Variants in CCT4 observed in about 807,000 individuals in gnomAD.
CCT4 encodes chaperonin containing TCP1 subunit 4.
In CCT4, 17 loss-of-function variants were observed where a neutral mutation model predicts 62.5. The observed-to-expected ratio is 0.27, with a 90% confidence interval of 0.19 to 0.41. CCT4 has a LOEUF of 0.41. Among genes scored for constraint, CCT4 ranks in the 10% least tolerant of loss-of-function variants. The pLI is 1.00. For synonymous variants in CCT4, 250 were observed against 229.9 expected (o/e 1.09, Z -0.79); for missense variants, 592 against 659.2 (o/e 0.90, Z 1.12).
At chr2:61,869,335 CA>C in intron 13 of CCT4, 104 bp downstream of exon 13, 10 of 669,702 alleles carry the variant, frequency 1.5e-5, no homozygotes, top group East Asian at 5.6e-5. Flanking sequence ...AACTTTGTCT[CA>C]AAAAAACCAA....
chr2:61,870,398 T>C (rs1284902687), intron 12 of CCT4, among the ~76,000 whole-genome samples: 1 of 152,240 alleles, frequency 6.6e-6, no homozygotes, highest in Non-Finnish European at 1.5e-5. Flanking sequence ...AAATTCTTCA[T>C]TGCACCATCC....
At chr2:61,885,985 T>C (rs1347546077) in intron 1 of CCT4, 1 of 152,242 alleles carries the variant, frequency 6.6e-6, no homozygotes, top group African/African-American at 2.4e-5. Flanking sequence ...ATTTGTTTAC[T>C]CTGTCTAGTA....
intron 4 of CCT4, 63 bp from the exon 5 acceptor site, chr2:61,879,074 TAA>T: frequency 7.7e-7 from 1 of 1,298,532 alleles, no homozygotes; most frequent in African/African-American, 1.5e-5. Flanking sequence ...TGACATGGCT[TAA>T]AAATTTTCTA....
In CCT4 at chr2:61,872,825, G is replaced by A. The variant is rs557631808; in HGVS notation, c.1125+177C>T. The stretch of plus-strand genomic sequence containing the variant: ...GCCTGTAGTCCCAGCTTCCCGGGAG[G>A]CTGAGGCAGGAGAATGGCATGAACC... On this transcript the variant is annotated intron_variant, in intron 10 of 13. Coordinates refer to ENST00000394440, the MANE Select transcript of CCT4 (RefSeq NM_006430.4). Among the ~76,000 whole-genome samples, 6 of 152,292 alleles carry A rather than the reference G, an allele frequency of 3.9e-5. No individual in the cohort carries two copies. The East Asian group carries it at 1.2e-3, about 29-fold the overall frequency.
intron 8 of CCT4, 106 bp downstream of exon 8, chr2:61,875,989 G>A (rs544076684): frequency 1.2e-5 from 8 of 650,938 alleles, no homozygotes; most frequent in East Asian, 8.4e-5. Context: ...TAAGAAATAC[G>A]AACTTAGAGT....
chr2:61,879,836 G>A (rs1395184709), intron 4 of CCT4, among the ~76,000 whole-genome samples: 1 of 151,322 alleles, frequency 6.6e-6, no homozygotes, highest in East Asian at 2.0e-4. Flanking sequence ...TCTACCTCCC[G>A]GGTTCAAGTG....
intron 12 of CCT4, among the ~76,000 whole-genome samples, chr2:61,870,141 G>A (rs1470757594): frequency 6.6e-6 from 1 of 151,670 alleles, no homozygotes; most frequent in Non-Finnish European, 1.5e-5. Context: ...GCCAGGCGTG[G>A]TGGCATGCAC....
chr2:61,877,680 T>C (rs1046805264), intron 5 of CCT4, among the ~76,000 whole-genome samples, 166 bp from the exon 6 acceptor site: 2 of 152,330 alleles, frequency 1.3e-5, no homozygotes, highest in Admixed American at 1.3e-4. Flanking sequence ...TCTTTTCCAT[T>C]CAGGTTGTCA....
chr2:61,885,211 G>A, intron 1 of CCT4, 139 bp from the exon 2 acceptor site: 1 of 541,136 alleles, frequency 1.8e-6, no homozygotes, highest in Non-Finnish European at 3.1e-6. Context: ...CAGAATAGCT[G>A]GGAGTATGGG....
chr2:61,875,603 T>C (rs1014741639), intron 8 of CCT4, among the ~76,000 whole-genome samples: 1 of 142,378 alleles, frequency 7.0e-6, no homozygotes, highest in East Asian at 2.1e-4. Context: ...AAAAAAAAAT[T>C]AAAAAAAATT....
Position 61,869,493 on chromosome 2 carries a change from CACTG to C in CCT4, c.1548_1551del (p.Ser517LeufsTer2). 6.2e-7 allele frequency: 1 copy of C among 1,612,852 alleles called. No homozygotes were observed. On this transcript the variant is annotated frameshift_variant, in exon 13 of 14. Coordinates refer to ENST00000394440, the MANE Select transcript of CCT4 (RefSeq NM_006430.4). LOFTEE classifies it high-confidence loss of function. ...ACAGTTTCAGTTGCAAGAGTCAGAGCACTGACTGATACCAACAGAGGCTGGACAA... is the reference window on the plus strand; with the variant it reads ...ACAGTTTCAGTTGCAAGAGTCAGAGCACTGATACCAACAGAGGCTGGACAA...
Position 61,878,878 on chromosome 2 carries a change from C to A in CCT4, c.513G>T (p.Leu171=), listed in dbSNP as rs750095984. 1 of 1,606,332 alleles carries A rather than the reference C, an allele frequency of 6.2e-7. No homozygotes were observed. The highest frequency in any genetic ancestry group is 1.1e-5 in the South Asian group (1 of 89,480). ...TTAGTGTTTGTCTCACCTTTGAGTT[C>A]AGTGAAGTGGTTGCACTATTTAACA... The part of the protein sequence containing the change: ...ETLLNSATTS[L]NSKVVSQYSS... Residue 171 remains leucine, a synonymous_variant, in exon 5 of 14, where the codon CTG becomes CTT. Transcript: ENST00000394440.
At chr2:61,888,288 A>C (rs1412366916) in intron 1 of CCT4, 93 bp downstream of exon 1, 13 of 1,435,078 alleles carry the variant, frequency 9.1e-6, no homozygotes, top group African/African-American at 1.4e-5. Flanking sequence ...GATCACCCGA[A>C]GAAATGGGAA....
At chr2:61,886,629 T>C (rs561718120) in intron 1 of CCT4, among the ~76,000 whole-genome samples, 1 of 152,328 alleles carries the variant, frequency 6.6e-6, no homozygotes, top group African/African-American at 2.4e-5. Flanking sequence ...TAGGTGGCCT[T>C]TCCTTCCCAC....
Position 61,878,912 on chromosome 2 carries a change from C to T in CCT4, c.479G>A (p.Arg160Lys). The T allele has an allele frequency of 6.2e-7, 1 of 1,611,898 alleles. No individual in the cohort carries two copies. The highest frequency in any genetic ancestry group is 8.5e-7 in the Non-Finnish European group (1 of 1,178,666). ...DMSRPVELSD[R>K]ETLLNSATTS... ...GGTTGCACTATTTAACAAAGTTTCTCTGTCACTCAGTTCCACAGGTCGAGA... is the reference window on the plus strand; with the variant it reads ...GGTTGCACTATTTAACAAAGTTTCTTTGTCACTCAGTTCCACAGGTCGAGA... The change falls in exon 5 of 14, where the codon AGA (arginine) becomes AAA (lysine). Residue 160 changes from arginine (R) to lysine (K), a missense_variant. This residue lies in a region of CCT4 where 522 missense variants were observed against 571.2 expected (regional missense o/e 0.91). Transcript: ENST00000394440.
Position 61,869,466 on chromosome 2 carries a change from G to C in CCT4, c.1579C>G (p.Arg527Gly), listed in dbSNP as rs780167648. The change falls in exon 13 of 14, where the codon CGG becomes GGG. Residue 527 changes from arginine to glycine, a missense_variant. Transcript: ENST00000394440. Reference protein sequence around the residue: ...SALTLATETVRSILKIDDVVN... With the variant: ...SALTLATETVGSILKIDDVVN... ...ACATCATCTATTTTCAGAATGCTCC[G>C]AACAGTTTCAGTTGCAAGAGTCAGA... 3 of 1,608,444 alleles carry C rather than the reference G, an allele frequency of 1.9e-6. No homozygotes were observed. Among genetic ancestry groups the C allele is most frequent in the East Asian group, 4.5e-5 (2 of 44,840 alleles).
Position 61,879,026 on chromosome 2 carries a change from A to G in CCT4, c.380-15T>C. Reference sequence around the variant, plus strand: ...TGGATGAATCCCTGTAATTTGTGAAAGTCTAGTTATTTAATTGTAACAGGT... The same window carrying G: ...TGGATGAATCCCTGTAATTTGTGAAGGTCTAGTTATTTAATTGTAACAGGT... On this transcript the variant is annotated splice_polypyrimidine_tract_variant and intron_variant, in intron 4 of 13. Coordinates refer to ENST00000394440, the MANE Select transcript of CCT4 (RefSeq NM_006430.4). The G allele has an allele frequency of 6.3e-7, 1 of 1,575,952 alleles. No homozygotes were observed. The highest frequency in any genetic ancestry group is 8.6e-7 in the Non-Finnish European group (1 of 1,162,224).
chr2:61,875,536 T>C (rs951966839), intron 8 of CCT4, among the ~76,000 whole-genome samples: 1 of 148,402 alleles, frequency 6.7e-6, no homozygotes, highest in Non-Finnish European at 1.5e-5. Flanking sequence ...TGAGCCGAGA[T>C]TGCACCACTG....
Position 61,888,466 on chromosome 2 carries a change from C to A in CCT4, c.42G>T (p.Gly14=). The A allele has an allele frequency of 6.2e-7, 1 of 1,612,062 alleles. No homozygotes were observed. Among genetic ancestry groups the A allele is most frequent in the Non-Finnish European group, 8.5e-7 (1 of 1,179,252 alleles). The stretch of plus-strand genomic sequence containing the variant: ...CGCCTTTCCCGCGGCCGCCGGCAGC[C>A]CCGGCAGTCGCCCCGCTCCGGGGTG... The part of the protein sequence containing the change: ...NVAPRSGATA[G]AAGGRGKGAY... Residue 14 remains glycine (G), a synonymous_variant, in exon 1 of 14, where the codon GGG becomes GGT. Transcript: ENST00000394440.
Sources: allele counts gnomAD v4.1 joint callset (sites outside exome capture counted in the v4.1 genomes callset), GRCh38; gene constraint gnomAD v4.1.1; regional missense constraint gnomAD v4.1.1; transcripts MANE v1.5; gene names NCBI Gene and HGNC (gene_info 2026-07-23, HGNC 2026-07-21).